LEKR1: variants seen among roughly 807,000 people sequenced by gnomAD.
LEKR1 encodes the protein leucine, glutamate and lysine rich 1, also known as protein LEKR1.
LEKR1 carries 59 observed loss-of-function variants against 72.4 expected under a neutral mutation model. The ratio of observed to expected loss-of-function variants is 0.82; its 90% CI spans 0.66 to 1.01. LEKR1 has a LOEUF of 1.01. LEKR1 is among the 50% of genes least tolerant of loss of function. The pLI is 0.00. For missense variants in LEKR1, 728 were observed against 759.2 expected, an observed-to-expected ratio of 0.96 and a Z score of 0.48; for synonymous variants, 257 against 263.2, an observed-to-expected ratio of 0.98 and a Z score of 0.23.
rs193161675 is a variant in LEKR1 at position 156,991,481 on chromosome 3, A to T, written c.828-1172A>T. Reference sequence around the variant, plus strand: ...AGGAGGGCATTGATAATCTTACATAATTCATTGTGTGATTTACAAGCTATT... The same window carrying T: ...AGGAGGGCATTGATAATCTTACATATTTCATTGTGTGATTTACAAGCTATT... On this transcript the variant is annotated intron_variant, in intron 7 of 12. Coordinates refer to ENST00000356539, the MANE Select transcript of LEKR1 (RefSeq NM_001004316.3). Among the ~76,000 whole-genome samples, 24 of 152,232 alleles carry T rather than the reference A, an allele frequency of 1.6e-4. No individual in the cohort carries two copies. The South Asian group carries it at 3.9e-3, about 25-fold the overall frequency.
chr3:156,930,407 T>G lies in LEKR1; in HGVS notation c.559+2803T>G, dbSNP rs116481784. On this transcript the variant is annotated intron_variant, in intron 5 of 12. Coordinates refer to ENST00000356539, the MANE Select transcript of LEKR1 (RefSeq NM_001004316.3). ...TTATTATTTTGTGGGGCTTATAAAG[T>G]ATGTCAATGTAACATGACAACTAGA... Among the ~76,000 whole-genome samples the G allele has an allele frequency of 4.5e-3, 679 of 152,192 alleles. 2 individuals carry two copies. Among genetic ancestry groups the G allele is most frequent in the African/African-American group, 0.016 (656 of 41,552 alleles).
intron 2 of LEKR1, among the ~76,000 whole-genome samples, chr3:156,831,330 C>T (rs1712372214): frequency 6.6e-6 from 1 of 152,248 alleles, no homozygotes; most frequent in South Asian, 2.1e-4. Flanking sequence ...ATAATGGCTC[C>T]TAGTCATTTA....
chr3:157,029,923 C>T (rs535371358), intron 12 of LEKR1, among the ~76,000 whole-genome samples: 6 of 152,194 alleles, frequency 3.9e-5, no homozygotes, highest in East Asian at 1.9e-4. Flanking sequence ...CAGAAAAAGA[C>T]GGAAGGGCCA....
rs180724843 is a variant in LEKR1 at position 156,945,395 on chromosome 3, C to A, written c.745+2681C>A. On this transcript the variant is annotated intron_variant, in intron 6 of 12. Transcript: ENST00000356539. ...TGTCTCTTGACTTTGTTGATGGTTT[C>A]CTTTGCTGTGCAGGAGGTTTTTAAC... Among the ~76,000 whole-genome samples, 5 of 151,788 alleles carry A rather than the reference C, an allele frequency of 3.3e-5. No homozygotes were observed. In the East Asian group the frequency reaches 9.7e-4, roughly 29 times the overall value.
intron 7 of LEKR1, among the ~76,000 whole-genome samples, chr3:156,992,386 C>T (rs2108009232): frequency 6.6e-6 from 1 of 152,278 alleles, no homozygotes; most frequent in African/African-American, 2.4e-5. Flanking sequence ...TTTCCAATAC[C>T]TTCACATAGG....
intron 3 of LEKR1, among the ~76,000 whole-genome samples, chr3:156,906,368 G>T (rs1235425073): frequency 1.3e-5 from 2 of 152,124 alleles, no homozygotes; most frequent in Non-Finnish European, 1.5e-5. Context: ...GATAATAAAT[G>T]TACTTGTTCT....
At chr3:156,905,162 A>G (rs1330183197) in intron 3 of LEKR1, among the ~76,000 whole-genome samples, 2 of 152,148 alleles carry the variant, frequency 1.3e-5, no homozygotes, top group African/African-American at 2.4e-5. Context: ...ATGTTGGAAT[A>G]TTGAACTCCC....
At chr3:156,875,303 A>T (rs1285447551) in intron 3 of LEKR1, among the ~76,000 whole-genome samples, 1 of 151,898 alleles carries the variant, frequency 6.6e-6, no homozygotes, top group South Asian at 2.1e-4. Context: ...TTTTATGTTT[A>T]TTGGCTATTT....
chr3:156,956,282 C>T (rs1278184036), intron 6 of LEKR1, among the ~76,000 whole-genome samples: 1 of 151,914 alleles, frequency 6.6e-6, no homozygotes, highest in Non-Finnish European at 1.5e-5. Flanking sequence ...GCAGTTGATC[C>T]CTCTACTCCT....
rs540497124 is a variant in LEKR1, at chr3:156,846,520, A to T, written c.49-6248A>T. On this transcript the variant is annotated intron_variant, in intron 2 of 12. Transcript: ENST00000356539. The stretch of plus-strand genomic sequence containing the variant: ...TGTAAATAAGCAGGTTAACTTAATG[A>T]TGAGGAAGGGTCCTAATGGCTTTAT... 5.1e-4 allele frequency among the ~76,000 whole-genome samples: 78 copies of T among 152,008 alleles called. No individual in the cohort carries two copies. The South Asian group carries it at 5.2e-3, about 10-fold the overall frequency.
chr3:156,885,505 C>T (rs913337619), intron 3 of LEKR1, among the ~76,000 whole-genome samples: 2 of 152,216 alleles, frequency 1.3e-5, no homozygotes, highest in Non-Finnish European at 2.9e-5. Flanking sequence ...CCCACTTCCC[C>T]TAGGGATGGG....
intron 3 of LEKR1, among the ~76,000 whole-genome samples, chr3:156,898,884 G>A (rs1721484036): frequency 6.6e-6 from 1 of 152,186 alleles, no homozygotes; most frequent in South Asian, 2.1e-4. Flanking sequence ...AAAGGAAATT[G>A]AGAAGCTTGA....
chr3:156,847,466 G>A (rs942127947), intron 2 of LEKR1, among the ~76,000 whole-genome samples: 1 of 152,134 alleles, frequency 6.6e-6, no homozygotes, highest in African/African-American at 2.4e-5. Context: ...ACGAGAGGAT[G>A]ATATAATACC....
chr3:157,029,747 A>G (rs990779417), intron 12 of LEKR1, among the ~76,000 whole-genome samples: 1 of 152,162 alleles, frequency 6.6e-6, no homozygotes, highest in Non-Finnish European at 1.5e-5. Context: ...GAGAGAAGTG[A>G]TGCTGATTTG....
chr3:156,917,879 C>A (rs533552024), intron 3 of LEKR1, among the ~76,000 whole-genome samples: 27 of 151,988 alleles, frequency 1.8e-4, no homozygotes, highest in Non-Finnish European at 3.4e-4. Flanking sequence ...GTAGTCAAAC[C>A]AGAGCATAAA....
intron 3 of LEKR1, among the ~76,000 whole-genome samples, chr3:156,882,294 C>G (rs1220615031): frequency 5.3e-5 from 8 of 150,984 alleles, no homozygotes; most frequent in African/African-American, 1.5e-4. Flanking sequence ...TGAACTCAAA[C>G]AAATTTACAA....
At chr3:157,011,565 C>A in intron 10 of LEKR1, 59 bp downstream of exon 10, 4 of 1,171,894 alleles carry the variant, frequency 3.4e-6, no homozygotes, top group Non-Finnish European at 2.6e-6. Flanking sequence ...AAATTCTGAC[C>A]ATTTGTCAGA....
intron 5 of LEKR1, among the ~76,000 whole-genome samples, chr3:156,936,211 T>C (rs932355243): frequency 2.0e-5 from 3 of 152,148 alleles, no homozygotes; most frequent in Non-Finnish European, 4.4e-5. Flanking sequence ...AGTGTTGCCC[T>C]TTTACAGACT....
Position 156,997,773 on chromosome 3 carries a change from G to C in LEKR1, c.1109+4496G>C, listed in dbSNP as rs555095162. Reference sequence around the variant, plus strand: ...GAAAACGATGTAAAAAGCCAGAGGTGACCCTAGAAAAAAACTAGCAGAACT... The same window carrying C: ...GAAAACGATGTAAAAAGCCAGAGGTCACCCTAGAAAAAAACTAGCAGAACT... On this transcript the variant is annotated intron_variant, in intron 9 of 12. Transcript: ENST00000356539. Among the ~76,000 whole-genome samples, 180 of 152,266 alleles carry C rather than the reference G, an allele frequency of 1.2e-3. 1 individual carries two copies. Among genetic ancestry groups the C allele is most frequent in the African/African-American group, 4.2e-3 (174 of 41,558 alleles).
Sources: allele counts gnomAD v4.1 joint callset (sites outside exome capture counted in the v4.1 genomes callset), GRCh38; gene constraint gnomAD v4.1.1; transcripts MANE v1.5; gene names NCBI Gene and HGNC (gene_info 2026-07-23, HGNC 2026-07-21).